INPP5D: variants seen among roughly 807,000 people sequenced by gnomAD.
INPP5D encodes phosphatidylinositol 3,4,5-trisphosphate 5-phosphatase 1.
INPP5D carries 33 observed loss-of-function variants against 122.9 expected under a neutral mutation model. The ratio of observed to expected loss-of-function variants is 0.27; its 90% CI spans 0.20 to 0.36. The LOEUF is 0.36. Ranked by LOEUF, INPP5D falls within the 10% of genes least tolerant of loss-of-function variation. The pLI, the probability that INPP5D is intolerant of heterozygous loss-of-function variation, is 1.00. For missense variants in INPP5D, 1,053 were observed against 1,412.7 expected (o/e 0.75, Z 4.08); for synonymous variants, 584 against 576.2 (o/e 1.01, Z -0.19).
At chr2:233,079,291 G>A (rs1691608692) in intron 1 of INPP5D, 44 bp from the exon 2 acceptor site, 2 of 1,209,688 alleles carry the variant, frequency 1.7e-6, no homozygotes, top group African/African-American at 1.5e-5. Context: ...GAGGAAACCG[G>A]GTCTTCCTGC....
chr2:233,063,929 G>C (rs1482537515), intron 1 of INPP5D, among the ~76,000 whole-genome samples: 1 of 152,284 alleles, frequency 6.6e-6, no homozygotes, highest in African/African-American at 2.4e-5. Flanking sequence ...GAGACATTAA[G>C]AGCTGTCAGG....
At chr2:233,080,058 T>C (rs1344323216) in intron 2 of INPP5D, among the ~76,000 whole-genome samples, 2 of 152,148 alleles carry the variant, frequency 1.3e-5, no homozygotes, top group Non-Finnish European at 1.5e-5. Flanking sequence ...GTCTCCCTAG[T>C]AGCTGGGATT....
intron 6 of INPP5D, 174 bp from the exon 7 acceptor site, chr2:233,145,988 T>C: frequency 1.4e-6 from 1 of 701,294 alleles, no homozygotes; most frequent in Non-Finnish European, 2.6e-6. Flanking sequence ...ATGTGAATTC[T>C]GAGAAGATTG....
intron 2 of INPP5D, among the ~76,000 whole-genome samples, chr2:233,091,806 TATTGA>T (rs1441868048): frequency 6.6e-6 from 1 of 152,196 alleles, no homozygotes; most frequent in African/African-American, 2.4e-5. Flanking sequence ...CTTGATTCTG[TATTGA>T]CTCACTCATT....
At chr2:233,126,559 G>A (rs569738367) in intron 4 of INPP5D, among the ~76,000 whole-genome samples, 2 of 152,264 alleles carry the variant, frequency 1.3e-5, no homozygotes, top group African/African-American at 2.4e-5. Context: ...TCAAATAGCC[G>A]AATATCCAGT....
rs193203110 is a variant in INPP5D at position 233,100,959 on chromosome 2, C to T, written c.199-21148C>T. On this transcript the variant is annotated intron_variant, in intron 2 of 26. Transcript: ENST00000445964. This position sits in a 1 kb window ranked among gnomAD's most constrained non-coding sequence, Gnocchi z 5.3. ...CCATCTTTCAGTGTTCCTCACTGAA[C>T]GGTAATCCCCTCCGTGTGCCCCCAA... Among the ~76,000 whole-genome samples the T allele has an allele frequency of 2.5e-3, 328 of 132,512 alleles. 1 individual carries two copies. The highest frequency in any genetic ancestry group is 7.6e-3 in the Middle Eastern group (2 of 264). 86.9% of individuals were successfully genotyped at this position (132,512 alleles called of 152,430 possible). A position where few individuals can be genotyped will look rare whatever the true frequency, so the allele number is the denominator to read the frequency against.
intron 2 of INPP5D, among the ~76,000 whole-genome samples, chr2:233,081,158 G>T (rs113578130): frequency 6.6e-6 from 1 of 152,214 alleles, no homozygotes; most frequent in South Asian, 2.1e-4. Flanking sequence ...CCTTTCCAGC[G>T]CTTGGCAGCT....
At chr2:233,063,871 G>A (rs116317046) in intron 1 of INPP5D, among the ~76,000 whole-genome samples, 2 of 152,260 alleles carry the variant, frequency 1.3e-5, no homozygotes, top group African/African-American at 4.8e-5. Context: ...CCTGCTCCGG[G>A]GGGAGTCTGT....
intron 17 of INPP5D, among the ~76,000 whole-genome samples, chr2:233,176,713 T>C (rs1420522274): frequency 7.4e-6 from 1 of 134,612 alleles, no homozygotes; most frequent in Non-Finnish European, 1.6e-5. Flanking sequence ...ATGGATGAAA[T>C]GGACAGGTAG....
At chr2:233,165,804 G>T (rs1268540561) in intron 13 of INPP5D, among the ~76,000 whole-genome samples, 1 of 152,068 alleles carries the variant, frequency 6.6e-6, no homozygotes, top group Non-Finnish European at 1.5e-5. Flanking sequence ...ATGTGAGGGT[G>T]GGTGTCCGAG....
intron 1 of INPP5D, among the ~76,000 whole-genome samples, chr2:233,074,543 C>T (rs77089222): frequency 0.019 from 2,831 of 152,204 alleles, 99 homozygotes; most frequent in African/African-American, 0.065. Flanking sequence ...TTTGGAGTGG[C>T]GAATGGTGAA....
rs140392015 is a variant in INPP5D, at chr2:233,129,884, T to TTGTG, written c.525-593_525-590dup. ...ACTTTCCAAAGCTTTTGGCCTCCTT[T>TTGTG]TGTGTGTGTGTGTGTGTGTGTGTGT... On this transcript the variant is annotated intron_variant, in intron 4 of 26. Transcript: ENST00000445964. Among the ~76,000 whole-genome samples the TTGTG allele has an allele frequency of 4.6e-3, 690 of 149,806 alleles. 3 individuals carry two copies. Among genetic ancestry groups the TTGTG allele is most frequent in the Middle Eastern group, 0.014 (4 of 294 alleles).
At position 233,160,598 on chromosome 2, in the gene INPP5D, C is replaced by CTCTT. The variant is rs1240611483; in HGVS notation, c.1138-1117_1138-1114dup. Among the ~76,000 whole-genome samples the CTCTT allele has an allele frequency of 2.6e-5, 4 of 152,002 alleles. No individual in the cohort carries two copies. The highest frequency in any genetic ancestry group is 7.3e-5 in the African/African-American group (3 of 41,376). ...CCCCTTCCAGATGTTTTTTAATTTT[C>CTCTT]TCTTTCTTTCTTCCTTCCCTTCTTT... is the stretch of plus-strand genomic sequence containing the variant. On this transcript the variant is annotated intron_variant, in intron 10 of 26. Coordinates refer to ENST00000445964, the MANE Select transcript of INPP5D (RefSeq NM_001017915.3). This position sits in a 1 kb window ranked among gnomAD's most constrained non-coding sequence, Gnocchi z 4.2.
At chr2:233,178,781 G>A (rs1040374350) in intron 18 of INPP5D, among the ~76,000 whole-genome samples, 1 of 152,156 alleles carries the variant, frequency 6.6e-6, no homozygotes, top group Non-Finnish European at 1.5e-5. Flanking sequence ...ACTGCGCCAG[G>A]CCCAGTGGTA....
At chr2:233,180,389 C>G (rs72972249) in intron 18 of INPP5D, among the ~76,000 whole-genome samples, 9,168 of 152,040 alleles carry the variant, frequency 0.06, 343 homozygotes, top group East Asian at 0.18. Flanking sequence ...CTCGTCAACC[C>G]ATTAAATTCT....
At position 233,161,652 on chromosome 2, in the gene INPP5D, C is replaced by A. The variant is rs1027193934; in HGVS notation, c.1138-72C>A. On this transcript the variant is annotated intron_variant, in intron 10 of 26. Transcript: ENST00000445964. ...TCCTCTCAGTTTTCTTGAAGCTGAC[C>A]AAGTCCTTTGCAAAGTGTAATGTGC... is the stretch of plus-strand genomic sequence containing the variant. 7.4e-6 allele frequency: 11 copies of A among 1,484,104 alleles called. No homozygotes were observed. In the East Asian group the frequency reaches 7.6e-5, roughly 10 times the overall value. The allele number at this position is 1,484,104 out of a possible 1,614,324, so 91.9% of individuals were successfully genotyped here. A position where few individuals can be genotyped will look rare whatever the true frequency, so the allele number is the denominator to read the frequency against.
chr2:233,150,750 T>C (rs1288614847), intron 9 of INPP5D, among the ~76,000 whole-genome samples: 3 of 152,182 alleles, frequency 2.0e-5, no homozygotes, highest in Non-Finnish European at 4.4e-5. Flanking sequence ...CGCTGGCACA[T>C]GGGCAGGTAT....
Position 233,170,641 on chromosome 2 carries a change from C to T in INPP5D, c.1900+37C>T, listed in dbSNP as rs943553135. 9 of 1,606,124 alleles carry T rather than the reference C, an allele frequency of 5.6e-6. No individual in the cohort carries two copies. Among genetic ancestry groups the T allele is most frequent in the Non-Finnish European group, 7.7e-6 (9 of 1,175,566 alleles). Reference sequence around the variant, plus strand: ...AACCCCGGCTGGGAGCGGTGGCTCACACCTGTAATCCCAGCACTTTAGGAG... The same window carrying T: ...AACCCCGGCTGGGAGCGGTGGCTCATACCTGTAATCCCAGCACTTTAGGAG... On this transcript the variant is annotated intron_variant, in intron 16 of 26. Transcript: ENST00000445964. The surrounding 1 kb of genome is among the most constrained non-coding windows in gnomAD (Gnocchi z 4.5).
intron 2 of INPP5D, among the ~76,000 whole-genome samples, chr2:233,118,366 C>T (rs1003251322): frequency 2.6e-5 from 4 of 152,196 alleles, no homozygotes; most frequent in African/African-American, 9.6e-5. Context: ...GAGGCCAGAC[C>T]ATGCTCCTCA....
Sources: allele counts gnomAD v4.1 joint callset (sites outside exome capture counted in the v4.1 genomes callset), GRCh38; gene constraint gnomAD v4.1.1; non-coding constraint Gnocchi (gnomAD v3.1); transcripts MANE v1.5; gene names NCBI Gene and HGNC (gene_info 2026-07-23, HGNC 2026-07-21).